Variants in OR5AN1 observed in about 807,000 individuals in gnomAD.
OR5AN1 encodes the protein olfactory receptor family 5 subfamily AN member 1.
For synonymous variants in OR5AN1, 167 were observed against 131.8 expected (o/e 1.27, Z -1.83); for missense variants, 476 against 368.9 (o/e 1.29, Z -2.38).
chr11:59,370,724 T>C lies in OR5AN1; in HGVS notation c.*5330T>C, dbSNP rs1487468634. 1.3e-5 allele frequency: 2 copies of C among 152,156 alleles called. No homozygotes were observed. The highest frequency in any genetic ancestry group is 2.4e-5 in the African/African-American group (1 of 41,430). 9.4% of individuals were successfully genotyped at this position (152,156 alleles called of 1,614,324 possible). On this transcript the variant is annotated 3_prime_UTR_variant, in exon 2 of 2. Transcript: ENST00000641998. ...AAACAACTGGACAGCTATCTGTGCA[T>C]GAAAATTGCTATAGGAAGGCTCTGC...
chr11:59,365,148 T>A lies in OR5AN1; in HGVS notation c.690T>A (p.Thr230=). 6.2e-7 allele frequency: 1 copy of A among 1,614,090 alleles called. No individual in the cohort carries two copies. Among genetic ancestry groups the A allele is most frequent in the Non-Finnish European group, 8.5e-7 (1 of 1,179,988 alleles). ...TTGGCATCTCCATCATGAAGATCACTTCAGCTAAAGGCAGGTCCAAGGCAT... is the reference window on the plus strand; with the variant it reads ...TTGGCATCTCCATCATGAAGATCACATCAGCTAAAGGCAGGTCCAAGGCAT... ...GYIGISIMKI[T]SAKGRSKAFN... is the part of the protein sequence containing the mutation. Residue 230 remains threonine, a synonymous_variant, in exon 2 of 2, where the codon ACT becomes ACA. Transcript: ENST00000641998.
chr11:59,364,917 C>T lies in OR5AN1; in HGVS notation c.459C>T (p.Gly153=), dbSNP rs754779413. Residue 153 remains glycine, a synonymous_variant, in exon 2 of 2, where the codon GGC becomes GGT. Coordinates refer to ENST00000641998, the MANE Select transcript of OR5AN1 (RefSeq NM_001004729.2). ...TGGTACTGGGAGCCTACATGACTGG[C>T]CTCACTGCTTCTTTATTCCAAATTG... ...VWMVLGAYMT[G]LTASLFQIGA... is the part of the protein sequence containing the mutation. 1 of 1,614,116 alleles carries T rather than the reference C, an allele frequency of 6.2e-7. No homozygotes were observed. Among genetic ancestry groups the T allele is most frequent in the Non-Finnish European group, 8.5e-7 (1 of 1,179,974 alleles).
intron 1 of OR5AN1, chr11:59,360,032 A>G (rs889725325): frequency 6.6e-6 from 1 of 152,200 alleles, no homozygotes; most frequent in Non-Finnish European, 1.5e-5. Context: ...GGAATTAATC[A>G]AAGAGAGTGA....
intron 1 of OR5AN1, among the ~76,000 whole-genome samples, chr11:59,363,845 C>T (rs1451551965): frequency 6.6e-6 from 1 of 152,150 alleles, no homozygotes. Flanking sequence ...TCACTGCAAC[C>T]TCTGCCTCCT....
At chr11:59,362,648 A>G (rs1565052381) in intron 1 of OR5AN1, among the ~76,000 whole-genome samples, 1 of 152,142 alleles carries the variant, frequency 6.6e-6, no homozygotes, top group Non-Finnish European at 1.5e-5. Context: ...TGTCTTGGCT[A>G]TTATCTATCA....
chr11:59,360,681 G>A (rs1230185053), intron 1 of OR5AN1, among the ~76,000 whole-genome samples: 1 of 152,144 alleles, frequency 6.6e-6, no homozygotes, highest in African/African-American at 2.4e-5. Flanking sequence ...AAGATATAGT[G>A]TTTGGTTTTC....
intron 1 of OR5AN1, among the ~76,000 whole-genome samples, chr11:59,363,161 A>G (rs978085076): frequency 2.0e-5 from 3 of 152,256 alleles, no homozygotes. Flanking sequence ...TAAGCAGTCC[A>G]TGATAACAAT....
rs1565054559 is a variant in OR5AN1 at position 59,368,389 on chromosome 11, C to T, written c.*2995C>T. On this transcript the variant is annotated 3_prime_UTR_variant, in exon 2 of 2. Coordinates refer to ENST00000641998, the MANE Select transcript of OR5AN1 (RefSeq NM_001004729.2). Reference sequence around the variant, plus strand: ...TCAAGCCAGTATCAAATCACCAACTCCCTAGACAGAGCTTCCGAGGTCAAC... The same window carrying T: ...TCAAGCCAGTATCAAATCACCAACTTCCTAGACAGAGCTTCCGAGGTCAAC... 6.6e-6 allele frequency: 1 copy of T among 152,382 alleles called. No individual in the cohort carries two copies. 9.4% of individuals were successfully genotyped at this position (152,382 alleles called of 1,614,324 possible). A position where few individuals can be genotyped will look rare whatever the true frequency, so the allele number is the denominator to read the frequency against.
chr11:59,361,842 TTAA>T (rs1857466867), intron 1 of OR5AN1, among the ~76,000 whole-genome samples: 1 of 152,114 alleles, frequency 6.6e-6, no homozygotes, highest in Non-Finnish European at 1.5e-5. Context: ...ATTTTTACAT[TTAA>T]TAATATTTTT....
chr11:59,365,075 T>A lies in OR5AN1; in HGVS notation c.617T>A (p.Phe206Tyr), dbSNP rs1195193376. Reference protein sequence around the residue: ...VQVMTAILTMFFGIASALVIM... With the variant: ...VQVMTAILTMYFGIASALVIM... ...GTCATGACTGCTATATTAACCATGT[T>A]CTTTGGGATAGCAAGTGCCCTAGTT... The change falls in exon 2 of 2, where the codon TTC (phenylalanine) becomes TAC (tyrosine). Residue 206 changes from phenylalanine (F) to tyrosine (Y), a missense_variant. Coordinates refer to ENST00000641998, the MANE Select transcript of OR5AN1 (RefSeq NM_001004729.2). 1.2e-6 allele frequency: 2 copies of A among 1,614,182 alleles called. No homozygotes were observed. The highest frequency in any genetic ancestry group is 1.7e-6 in the Non-Finnish European group (2 of 1,180,002).
rs1308690020 is a variant in OR5AN1 at position 59,365,439 on chromosome 11, C to G, written c.*45C>G. The G allele has an allele frequency of 8.7e-7, 1 of 1,146,498 alleles. No individual in the cohort carries two copies. The highest frequency in any genetic ancestry group is 1.2e-6 in the Non-Finnish European group (1 of 804,876). 71.0% of individuals were successfully genotyped at this position (1,146,498 alleles called of 1,614,324 possible). On this transcript the variant is annotated 3_prime_UTR_variant, in exon 2 of 2. Transcript: ENST00000641998. ...TCTGCCAGATATGGCCCATCAGAAT[C>G]TCCCTAACCCACAAAATATGATAAT...
chr11:59,361,412 G>A (rs1894124), intron 1 of OR5AN1, among the ~76,000 whole-genome samples: 7 of 152,116 alleles, frequency 4.6e-5, no homozygotes, highest in Admixed American at 4.6e-4. Context: ...TCCCAAGTAG[G>A]TGGGACTACA....
chr11:59,363,462 TC>T (rs1371707223), intron 1 of OR5AN1, among the ~76,000 whole-genome samples: 1 of 152,180 alleles, frequency 6.6e-6, no homozygotes, highest in African/African-American at 2.4e-5. Context: ...TGCACTAGCC[TC>T]CTTCTGGAAT....
chr11:59,365,295 C>T lies in OR5AN1; in HGVS notation c.837C>T (p.Tyr279=), dbSNP rs773835338. The part of the protein sequence containing the change: ...SSFDRFASVF[Y]TVVIPMLNPL... ...TTGACAGATTTGCATCTGTTTTCTA[C>T]ACTGTGGTCATTCCCATGTTAAATC... The change falls in exon 2 of 2, where the codon TAC becomes TAT. Residue 279 remains tyrosine (Y), a synonymous_variant. Coordinates refer to ENST00000641998, the MANE Select transcript of OR5AN1 (RefSeq NM_001004729.2). The T allele has an allele frequency of 6.2e-7, 1 of 1,612,580 alleles. No homozygotes were observed. The highest frequency in any genetic ancestry group is 1.1e-5 in the South Asian group (1 of 91,036).
Position 59,368,967 on chromosome 11 carries a change from CT to C in OR5AN1, c.*3574del, listed in dbSNP as rs1184641737. On this transcript the variant is annotated 3_prime_UTR_variant, in exon 2 of 2. Transcript: ENST00000641998. ...GCTGTCCTGTAAGCCTAGGTATCAC[CT>C]ACTGAATCACACCTCAAAACTTCAA... The C allele has an allele frequency of 6.6e-6, 1 of 152,176 alleles. No homozygotes were observed. Among genetic ancestry groups the C allele is most frequent in the Non-Finnish European group, 1.5e-5 (1 of 68,046 alleles). The allele number at this position is 152,176 out of a possible 1,614,324, so 9.4% of individuals were successfully genotyped here. A position where few individuals can be genotyped will look rare whatever the true frequency, so the allele number is the denominator to read the frequency against.
chr11:59,363,202 C>T (rs772928575), intron 1 of OR5AN1, among the ~76,000 whole-genome samples: 11 of 152,212 alleles, frequency 7.2e-5, no homozygotes, highest in Admixed American at 2.0e-4. Flanking sequence ...TTGCTGTATA[C>T]GTAAATGTGT....
At chr11:59,361,630 C>T (rs182589576) in intron 1 of OR5AN1, among the ~76,000 whole-genome samples, 8 of 152,184 alleles carry the variant, frequency 5.3e-5, no homozygotes, top group East Asian at 3.9e-4. Flanking sequence ...CTTGCAACAA[C>T]GCTTTGAGGT....
Position 59,370,463 on chromosome 11 carries a change from AG to A in OR5AN1, c.*5070del, listed in dbSNP as rs1857582626. The A allele has an allele frequency of 6.6e-6, 1 of 152,226 alleles. No individual in the cohort carries two copies. Among genetic ancestry groups the A allele is most frequent in the Non-Finnish European group, 1.5e-5 (1 of 68,040 alleles). 9.4% of individuals were successfully genotyped at this position (152,226 alleles called of 1,614,324 possible). A position where few individuals can be genotyped will look rare whatever the true frequency, so the allele number is the denominator to read the frequency against. On this transcript the variant is annotated 3_prime_UTR_variant, in exon 2 of 2. Coordinates refer to ENST00000641998, the MANE Select transcript of OR5AN1 (RefSeq NM_001004729.2). ...TTGCTGCCAAATGTCACAGACTGAA[AG>A]AATCAAAATTGTAAAAATTTCTATT...
rs1281501836 is a variant in OR5AN1, at chr11:59,367,065, A to C, written c.*1671A>C. 1 of 152,258 alleles carries C rather than the reference A, an allele frequency of 6.6e-6. No homozygotes were observed. Among genetic ancestry groups the C allele is most frequent in the African/African-American group, 2.4e-5 (1 of 41,472 alleles). The allele number at this position is 152,258 out of a possible 1,614,324, so 9.4% of individuals were successfully genotyped here. On this transcript the variant is annotated 3_prime_UTR_variant, in exon 2 of 2. Transcript: ENST00000641998. ...AGCCAAAGCTAAAATCAGAAGTAAC[A>C]ATCTTTTGAAAAGAAATACAATAAA...
Sources: gnomAD v4.1 joint callset for allele counts (sites outside exome capture counted in the v4.1 genomes callset) on GRCh38, gnomAD v4.1.1 for gene constraint, MANE v1.5 for transcripts, NCBI Gene and HGNC (gene_info 2026-07-23, HGNC 2026-07-21) for gene names.